The following POF1B variants were observed in gnomAD, a reference collection of about 807,000 sequenced individuals.
POF1B encodes protein POF1B.
Under a neutral mutation model 55.3 loss-of-function variants are expected in POF1B, and 53 were observed. The observed-to-expected ratio is 0.96, with a 90% CI of 0.77 to 1.20. POF1B has a LOEUF of 1.20. Ranked by LOEUF, POF1B falls within the 50% of genes most tolerant of loss-of-function variation. The pLI is 0.00. For synonymous variants in POF1B, 188 were observed against 148.3 expected (o/e 1.27, Z -1.95); for missense variants, 478 against 420.5 (o/e 1.14, Z -1.20).
chrX:85,282,267 T>A lies in POF1B; in HGVS notation c.1700A>T (p.Tyr567Phe). ...ILGLLYDDYE[Y>F]IPPGSETQTI... ...CTGTGTTTCACTACCTGGTGGTATA[T>A]ATTCGTAGTCATCATATAGGAGGCC... Residue 567 changes from tyrosine (Y) to phenylalanine (F), a missense_variant, in exon 16 of 17, where the codon TAT becomes TTT. Physicochemically the swap from Tyr to Phe is conservative, Grantham distance 22. Coordinates refer to ENST00000262753, the MANE Select transcript of POF1B (RefSeq NM_024921.4). The A allele has an allele frequency of 8.4e-7, 1 of 1,193,436 alleles. No individual in the cohort carries two copies. Among genetic ancestry groups the A allele is most frequent in the Non-Finnish European group, 1.1e-6 (1 of 884,735 alleles).
chrX:85,340,621 A>G lies in POF1B; in HGVS notation c.723+5239T>C, dbSNP rs750181101. Among the ~76,000 whole-genome samples the G allele has an allele frequency of 6.3e-5, 7 of 111,235 alleles. No homozygotes were observed. The South Asian group carries it at 2.6e-3, about 42-fold the overall frequency. ...CCATGAAGACAGTGTGGGAAAGGGT[A>G]CTGATGTGGTTGGTGAAGTTCTTAT... On this transcript the variant is annotated intron_variant, in intron 6 of 16. Transcript: ENST00000262753.
intron 3 of POF1B, among the ~76,000 whole-genome samples, chrX:85,366,540 T>TA (rs1284392554): frequency 8.9e-6 from 1 of 111,907 alleles, no homozygotes; most frequent in Non-Finnish European, 1.9e-5. Flanking sequence ...AACCCAATTT[T>TA]AAAACCCTTA....
intron 6 of POF1B, among the ~76,000 whole-genome samples, chrX:85,340,836 C>T (rs1358338688): frequency 9.1e-6 from 1 of 110,158 alleles, no homozygotes; most frequent in Non-Finnish European, 1.9e-5. Flanking sequence ...CAATAGGAAC[C>T]AGAACATTTG....
At chrX:85,331,566 A>G (rs1932979981) in intron 6 of POF1B, among the ~76,000 whole-genome samples, 1 of 111,415 alleles carries the variant, frequency 9.0e-6, no homozygotes, top group Non-Finnish European at 1.9e-5. Context: ...ACCTCAAACA[A>G]TAATCATTTC....
At chrX:85,346,922 C>A (rs1254333641) in intron 5 of POF1B, among the ~76,000 whole-genome samples, 2 of 111,093 alleles carry the variant, frequency 1.8e-5, no homozygotes, top group African/African-American at 3.3e-5. Flanking sequence ...TAATGACAAA[C>A]TTGGGACTGG....
intron 3 of POF1B, among the ~76,000 whole-genome samples, chrX:85,363,613 GT>G (rs1474503353): frequency 8.9e-6 from 1 of 111,893 alleles, no homozygotes; most frequent in East Asian, 2.8e-4. Flanking sequence ...CCAAGAAGGT[GT>G]TTGGTATGAT....
chrX:85,321,441 C>T (rs1466657483), intron 7 of POF1B, among the ~76,000 whole-genome samples: 2 of 109,657 alleles, frequency 1.8e-5, no homozygotes, highest in African/African-American at 3.4e-5. Flanking sequence ...TGGGACGTAT[C>T]TCAAAATAAT....
At chrX:85,324,791 C>T (rs1932879172) in intron 7 of POF1B, among the ~76,000 whole-genome samples, 1 of 111,734 alleles carries the variant, frequency 8.9e-6, no homozygotes, top group Admixed American at 9.5e-5. Flanking sequence ...TATAGTATCA[C>T]TGGCCTATGT....
chrX:85,320,922 A>G (rs1325874296), intron 7 of POF1B, among the ~76,000 whole-genome samples: 3 of 110,286 alleles, frequency 2.7e-5, no homozygotes, highest in Non-Finnish European at 5.7e-5. Context: ...TAGACCAATA[A>G]CAGGATCTGA....
intron 7 of POF1B, among the ~76,000 whole-genome samples, chrX:85,319,230 CTT>C (rs763774603): frequency 1.8e-5 from 2 of 111,458 alleles, no homozygotes; most frequent in Non-Finnish European, 3.8e-5. Context: ...TATCCTAAAA[CTT>C]TGTTTAAGTG....
rs191418966 is a variant in POF1B, at chrX:85,376,654, T to G, written c.282+2519A>C. Among the ~76,000 whole-genome samples, 767 of 111,121 alleles carry G rather than the reference T, an allele frequency of 6.9e-3. 9 individuals are homozygous for G. Among genetic ancestry groups the G allele is most frequent in the Non-Finnish European group, 6.0e-3 (317 of 52,937 alleles). Reference sequence around the variant, plus strand: ...AACAAAGTAACATTATATATCTAGATAAATTTAAAATATGTTTATATCCAT... The same window carrying G: ...AACAAAGTAACATTATATATCTAGAGAAATTTAAAATATGTTTATATCCAT... On this transcript the variant is annotated intron_variant, in intron 2 of 16. Coordinates refer to ENST00000262753, the MANE Select transcript of POF1B (RefSeq NM_024921.4).
At chrX:85,367,240 G>A (rs1933740305) in intron 3 of POF1B, among the ~76,000 whole-genome samples, 1 of 111,728 alleles carries the variant, frequency 9.0e-6, no homozygotes, top group Admixed American at 9.5e-5. Context: ...AAACCTAAAA[G>A]TGGGACTATT....
rs1932764616 is a variant in POF1B at position 85,314,435 on chromosome X, C to T, written c.954G>A (p.Leu318=). The part of the protein sequence containing the change: ...EFTKQQIRYI[L]QMRGMSDKSL... Reference sequence around the variant, plus strand: ...TCCACTCTTGACCCCAACTCACCTGCAGAATGTAGCGTATTTGCTGTTTTG... The same window carrying T: ...TCCACTCTTGACCCCAACTCACCTGTAGAATGTAGCGTATTTGCTGTTTTG... Residue 318 remains leucine (L), a synonymous_variant, in exon 9 of 17, where the codon CTG becomes CTA. Coordinates refer to ENST00000262753, the MANE Select transcript of POF1B (RefSeq NM_024921.4). The T allele has an allele frequency of 8.4e-7, 1 of 1,193,628 alleles. No homozygotes were observed.
intron 16 of POF1B, among the ~76,000 whole-genome samples, chrX:85,280,037 AAAC>A (rs1278374526): frequency 3.6e-5 from 4 of 111,391 alleles, no homozygotes; most frequent in African/African-American, 6.5e-5. Flanking sequence ...GACCTAACAA[AAAC>A]AACATTTCAG....
intron 3 of POF1B, among the ~76,000 whole-genome samples, chrX:85,365,995 A>G (rs1053348317): frequency 2.7e-5 from 3 of 111,458 alleles, no homozygotes; most frequent in African/African-American, 6.5e-5. Flanking sequence ...ATATAAAGAG[A>G]GTTCTTATAT....
intron 15 of POF1B, among the ~76,000 whole-genome samples, chrX:85,282,630 A>G (rs1603018072): frequency 9.0e-6 from 1 of 110,746 alleles, no homozygotes; most frequent in African/African-American, 3.3e-5. Flanking sequence ...CACTGCCTGG[A>G]GAGATTTTCT....
intron 7 of POF1B, among the ~76,000 whole-genome samples, chrX:85,320,848 T>C (rs1603044381): frequency 9.0e-6 from 1 of 110,730 alleles, no homozygotes; most frequent in East Asian, 2.8e-4. Context: ...CTAGAAGAAA[T>C]GGATAAATTC....
intron 6 of POF1B, among the ~76,000 whole-genome samples, chrX:85,331,288 A>T (rs1467990699): frequency 8.9e-6 from 1 of 111,740 alleles, no homozygotes; most frequent in Non-Finnish European, 1.9e-5. Flanking sequence ...CTCGATTCTA[A>T]GTGTTCAAAT....
intron 16 of POF1B, 95 bp from the exon 17 acceptor site, chrX:85,279,521 T>A (rs1313910602): frequency 1.2e-6 from 1 of 863,569 alleles, no homozygotes; most frequent in African/African-American, 2.0e-5. Flanking sequence ...TAAATTGGTA[T>A]GTATAAAACC....
Sources: allele counts gnomAD v4.1 joint callset (sites outside exome capture counted in the v4.1 genomes callset), GRCh38; gene constraint gnomAD v4.1.1; transcripts MANE v1.5; gene names NCBI Gene and HGNC (gene_info 2026-07-23, HGNC 2026-07-21).